DYRK1A: variants seen among roughly 807,000 people sequenced by gnomAD.
DYRK1A encodes dual specificity tyrosine phosphorylation regulated kinase 1A.
In DYRK1A, 9 loss-of-function variants were observed where a neutral mutation model predicts 79.7. The observed-to-expected ratio is 0.11, with a 90% CI of 0.07 to 0.20. DYRK1A has a LOEUF of 0.20. DYRK1A is among the 10% of genes least tolerant of loss of function. The pLI, the probability that DYRK1A is intolerant of heterozygous loss-of-function variation, is 1.00. For missense variants in DYRK1A, 622 were observed against 956.0 expected (o/e 0.65, Z 4.61); for synonymous variants, 349 against 329.7 (o/e 1.06, Z -0.63).
At chr21:37,500,605 T>G (rs1015921586) in intron 9 of DYRK1A, among the ~76,000 whole-genome samples, 1 of 152,162 alleles carries the variant, frequency 6.6e-6, no homozygotes, top group African/African-American at 2.4e-5. Context: ...TGCGACATTT[T>G]TTGTTAGAAG....
chr21:37,493,635 A>G (rs1432111705), intron 8 of DYRK1A, among the ~76,000 whole-genome samples: 2 of 152,226 alleles, frequency 1.3e-5, no homozygotes, highest in Non-Finnish European at 2.9e-5. Context: ...TCTGAAGTCT[A>G]CAGGTTTTCA....
At chr21:37,444,742 C>T (rs2051214138) in intron 2 of DYRK1A, among the ~76,000 whole-genome samples, 1 of 152,062 alleles carries the variant, frequency 6.6e-6, no homozygotes, top group Admixed American at 6.5e-5. Context: ...AATTAGTTTG[C>T]TTCTAGATAA....
chr21:37,445,583 G>A (rs1219180967), intron 2 of DYRK1A, among the ~76,000 whole-genome samples: 2 of 152,146 alleles, frequency 1.3e-5, no homozygotes, highest in Admixed American at 6.5e-5. Context: ...CTTTCCATGG[G>A]AGTGCTTTTT....
Position 37,441,043 on chromosome 21 carries a change from A to ATT in DYRK1A, c.10+20666_10+20667dup, listed in dbSNP as rs34549660. On this transcript the variant is annotated intron_variant, in intron 2 of 11. Transcript: ENST00000647188. ...TTGTGTCTATCGTTGTAGTTTTATC[A>ATT]TTTTTTTTGGTCTGTGTGTTTTAAA... 1.8e-3 allele frequency among the ~76,000 whole-genome samples: 267 copies of ATT among 151,590 alleles called. 2 individuals carry two copies. The highest frequency in any genetic ancestry group is 1.4e-3 in the Non-Finnish European group (98 of 67,814).
At position 37,522,714 on chromosome 21, in the gene DYRK1A, G is replaced by T. The variant is rs917095724; in HGVS notation, c.*10183G>T. On this transcript the variant is annotated 3_prime_UTR_variant, in exon 12 of 12. Transcript: ENST00000647188. ...TCTCCGACAATCGTCTCGTTTAATT[G>T]TGAAACTAGAATCACTTCCAGGAAG... 2 of 152,212 alleles carry T rather than the reference G, an allele frequency of 1.3e-5. No homozygotes were observed. Among genetic ancestry groups the T allele is most frequent in the African/African-American group, 4.8e-5 (2 of 41,450 alleles). The allele number at this position is 152,212 out of a possible 1,614,324, so 9.4% of individuals were successfully genotyped here.
At chr21:37,373,945 T>C (rs142598336) in intron 1 of DYRK1A, among the ~76,000 whole-genome samples, 1 of 152,348 alleles carries the variant, frequency 6.6e-6, no homozygotes, top group African/African-American at 2.4e-5. Flanking sequence ...AATAAGTTTA[T>C]TTTCTGTATT....
chr21:37,439,100 G>A (rs562432478), intron 2 of DYRK1A, among the ~76,000 whole-genome samples: 112 of 152,238 alleles, frequency 7.4e-4, no homozygotes, highest in African/African-American at 2.6e-3. Context: ...TATAGTTACA[G>A]TACTAGCACA....
At chr21:37,468,513 G>T (rs775924612) in intron 2 of DYRK1A, among the ~76,000 whole-genome samples, 6 of 152,072 alleles carry the variant, frequency 3.9e-5, no homozygotes, top group Non-Finnish European at 5.9e-5. Context: ...ACCTAGGTAG[G>T]TAAGTCTGTA....
intron 1 of DYRK1A, among the ~76,000 whole-genome samples, chr21:37,408,552 G>A (rs1426606369): frequency 6.6e-6 from 1 of 152,136 alleles, no homozygotes; most frequent in African/African-American, 2.4e-5. Flanking sequence ...TTAAACTGTA[G>A]AGTTTATAAT....
intron 1 of DYRK1A, among the ~76,000 whole-genome samples, chr21:37,376,760 T>C (rs769837410): frequency 5.9e-5 from 9 of 152,210 alleles, no homozygotes; most frequent in Admixed American, 2.0e-4. Flanking sequence ...ATCAAACATA[T>C]AAGGTACGGT....
intron 1 of DYRK1A, among the ~76,000 whole-genome samples, chr21:37,414,488 G>A (rs1163254576): frequency 2.0e-5 from 3 of 152,016 alleles, no homozygotes; most frequent in African/African-American, 7.2e-5. Flanking sequence ...TTTATACCAG[G>A]GCCCATTAAA....
rs201605533 is a variant in DYRK1A at position 37,377,090 on chromosome 21, AAC to A, written c.-77+9468_-77+9469del. Among the ~76,000 whole-genome samples the A allele has an allele frequency of 7.0e-3, 1,073 of 152,252 alleles. 13 individuals carry two copies. Among genetic ancestry groups the A allele is most frequent in the African/African-American group, 0.025 (1,028 of 41,544 alleles). Reference sequence around the variant, plus strand: ...AAACCAAATGGGATCAGACATACTAAACACACAGTTTTGCAACTTAAGCTTTT... The same window carrying A: ...AAACCAAATGGGATCAGACATACTAAACACAGTTTTGCAACTTAAGCTTTT... On this transcript the variant is annotated intron_variant, in intron 1 of 11. Transcript: ENST00000647188.
chr21:37,392,254 A>T (rs935026007), intron 1 of DYRK1A, among the ~76,000 whole-genome samples: 1 of 152,214 alleles, frequency 6.6e-6, no homozygotes, highest in Non-Finnish European at 1.5e-5. Context: ...TGACGTACTC[A>T]TCTCAGATGT....
intron 2 of DYRK1A, among the ~76,000 whole-genome samples, chr21:37,438,691 T>C (rs560659582): frequency 5.3e-5 from 8 of 152,362 alleles, no homozygotes; most frequent in Non-Finnish European, 7.3e-5. Context: ...CTATTTGTCC[T>C]GATACCAATA....
At chr21:37,457,022 TTACTTACTTACTTAC>T (rs1569339419) in intron 2 of DYRK1A, among the ~76,000 whole-genome samples, 95 of 69,506 alleles carry the variant, frequency 1.4e-3, no homozygotes, top group African/African-American at 4.9e-3. Flanking sequence ...ATTTACTTAC[TTACTTACTTACTTAC>T]TTATTTATTT....
At chr21:37,406,860 A>G (rs1280733767) in intron 1 of DYRK1A, among the ~76,000 whole-genome samples, 1 of 147,714 alleles carries the variant, frequency 6.8e-6, no homozygotes, top group Non-Finnish European at 1.5e-5. Context: ...AGTGACTTTT[A>G]CTAGTGAAAA....
At chr21:37,456,367 T>TA (rs746822003) in intron 2 of DYRK1A, 3 of 152,238 alleles carry the variant, frequency 2.0e-5, no homozygotes, top group Non-Finnish European at 4.4e-5. Context: ...TTTTGGGAGC[T>TA]ATTCACAAGA....
intron 2 of DYRK1A, among the ~76,000 whole-genome samples, chr21:37,454,997 A>G (rs2051587337): frequency 7.0e-6 from 1 of 142,170 alleles, no homozygotes; most frequent in Non-Finnish European, 1.5e-5. Flanking sequence ...GATTGTAGAG[A>G]TGGTTATTCA....
intron 5 of DYRK1A, among the ~76,000 whole-genome samples, chr21:37,482,746 C>A (rs1461304471): frequency 4.6e-5 from 7 of 152,088 alleles, no homozygotes; most frequent in Admixed American, 4.6e-4. Flanking sequence ...CCTACAGTCT[C>A]GACCATAGAA....
Sources: allele counts gnomAD v4.1 joint callset (sites outside exome capture counted in the v4.1 genomes callset), GRCh38; gene constraint gnomAD v4.1.1; transcripts MANE v1.5; gene names NCBI Gene and HGNC (gene_info 2026-07-23, HGNC 2026-07-21).